The following ANKFY1 variants were observed in gnomAD, a reference collection of about 807,000 sequenced individuals.
ANKFY1 encodes the protein ankyrin repeat and FYVE domain containing 1.
Under a neutral mutation model 128.3 loss-of-function variants are expected in ANKFY1, and 47 were observed. The ratio of observed to expected loss-of-function variants is 0.37; its 90% CI spans 0.29 to 0.47. The LOEUF is 0.47. Among genes scored for constraint, ANKFY1 ranks in the 20% least tolerant of loss-of-function variants. The probability of loss-of-function intolerance (pLI) is 1.00; values close to 1 mark genes in which losing one functional copy is unlikely to be tolerated. For synonymous variants in ANKFY1, 553 were observed against 601.6 expected (o/e 0.92, Z 1.18); for missense variants, 1,222 against 1,510.6 (o/e 0.81, Z 3.17).
chr17:4,177,228 G>C lies in ANKFY1; in HGVS notation c.2673C>G (p.Ile891Met), dbSNP rs1230647347. The C allele has an allele frequency of 6.8e-6, 11 of 1,607,892 alleles. No individual in the cohort carries two copies. In the South Asian group the frequency reaches 1.2e-4, roughly 18 times the overall value. Reference protein sequence around the residue: ...NSDIESVLFLISVHANVNSRV... With the variant: ...NSDIESVLFLMSVHANVNSRV... ...TTGAATTCACATTAGCGTGGACACT[G>C]ATCAGGAACAGCACACTTTCAATAT... The change falls in exon 19 of 25, where the codon ATC (isoleucine) becomes ATG (methionine). Residue 891 changes from isoleucine to methionine, a missense_variant. Coordinates refer to ENST00000341657, the MANE Select transcript of ANKFY1 (RefSeq NM_001330063.2).
chr17:4,187,357 C>T (rs2059630774), intron 11 of ANKFY1: 1 of 398,370 alleles, frequency 2.5e-6, no homozygotes. Context: ...CAAGATGACT[C>T]CCACTTGGCT....
intron 2 of ANKFY1, among the ~76,000 whole-genome samples, chr17:4,238,064 C>T (rs1399281956): frequency 6.7e-6 from 1 of 149,716 alleles, no homozygotes; most frequent in Non-Finnish European, 1.5e-5. Context: ...CAGTGGCACA[C>T]ACCTGTAATC....
chr17:4,218,268 T>C (rs2143026397), intron 3 of ANKFY1, among the ~76,000 whole-genome samples: 1 of 152,252 alleles, frequency 6.6e-6, no homozygotes, highest in Non-Finnish European at 1.5e-5. Context: ...ACTAAGATGC[T>C]CAGCACAATA....
rs1231213623 is a variant in ANKFY1, at chr17:4,178,230, C to T, written c.2598+627G>A. On this transcript the variant is annotated intron_variant, in intron 18 of 24. Coordinates refer to ENST00000341657, the MANE Select transcript of ANKFY1 (RefSeq NM_001330063.2). This position sits in a 1 kb window ranked among gnomAD's most constrained non-coding sequence, Gnocchi z 4.1. ...CCACCCATGCGAGGATCTCACTTCA[C>T]GCGGGTCCCAAGTTCCATCTCACCT... 6.5e-6 allele frequency: 1 copy of T among 154,472 alleles called. No homozygotes were observed. The highest frequency in any genetic ancestry group is 1.4e-5 in the Non-Finnish European group (1 of 69,448). The allele number at this position is 154,472 out of a possible 1,614,324, so 9.6% of individuals were successfully genotyped here. A position where few individuals can be genotyped will look rare whatever the true frequency, so the allele number is the denominator to read the frequency against.
chr17:4,260,826 G>C (rs1226871221), intron 1 of ANKFY1, among the ~76,000 whole-genome samples: 1 of 152,026 alleles, frequency 6.6e-6, no homozygotes, highest in Non-Finnish European at 1.5e-5. Context: ...AGTCTCTCAC[G>C]ATCCTATTTA....
chr17:4,233,330 T>A (rs1291301952), intron 3 of ANKFY1, among the ~76,000 whole-genome samples: 1 of 151,714 alleles, frequency 6.6e-6, no homozygotes, highest in Non-Finnish European at 1.5e-5. Context: ...CTGTTATATA[T>A]GAGGTCAAAG....
At chr17:4,234,301 T>C (rs1466178905) in intron 3 of ANKFY1, among the ~76,000 whole-genome samples, 1 of 152,180 alleles carries the variant, frequency 6.6e-6, no homozygotes, top group Non-Finnish European at 1.5e-5. Flanking sequence ...TGAATATTAA[T>C]ACTAGAATTA....
chr17:4,262,750 A>G (rs1344170068), intron 1 of ANKFY1, among the ~76,000 whole-genome samples: 1 of 151,682 alleles, frequency 6.6e-6, no homozygotes, highest in African/African-American at 2.4e-5. Context: ...CTATCTCAAA[A>G]CACACACACA....
Position 4,169,066 on chromosome 17 carries a change from C to G in ANKFY1, c.3377+132G>C, listed in dbSNP as rs2059266212. The G allele has an allele frequency of 7.9e-6, 6 of 762,758 alleles. No individual in the cohort carries two copies. In the South Asian group the frequency reaches 1.0e-4, roughly 13 times the overall value. The allele number at this position is 762,758 out of a possible 1,614,324, so 47.2% of individuals were successfully genotyped here. On this transcript the variant is annotated intron_variant, in intron 24 of 24. Transcript: ENST00000341657. The surrounding 1 kb of genome is among the most constrained non-coding windows in gnomAD (Gnocchi z 5.0). Reference sequence around the variant, plus strand: ...GATCCTTGGGTGTGCTCATCTCATCCCTCCATTTGGTCAAGGTTTGCCCAT... The same window carrying G: ...GATCCTTGGGTGTGCTCATCTCATCGCTCCATTTGGTCAAGGTTTGCCCAT...
intron 3 of ANKFY1, among the ~76,000 whole-genome samples, chr17:4,232,760 G>A (rs959469515): frequency 5.9e-5 from 9 of 152,136 alleles, no homozygotes; most frequent in African/African-American, 1.9e-4. Flanking sequence ...AGCTCTAAAC[G>A]TTTGGATGTA....
chr17:4,244,460 C>T (rs1967425414), intron 1 of ANKFY1, among the ~76,000 whole-genome samples: 1 of 152,076 alleles, frequency 6.6e-6, no homozygotes, highest in Non-Finnish European at 1.5e-5. Flanking sequence ...GTTTATGCAA[C>T]CATGCAAACT....
At chr17:4,246,900 C>G (rs780872499) in intron 1 of ANKFY1, among the ~76,000 whole-genome samples, 5 of 152,018 alleles carry the variant, frequency 3.3e-5, no homozygotes, top group Non-Finnish European at 7.4e-5. Flanking sequence ...TCTCTAAAGC[C>G]CATGAGTTTG....
chr17:4,212,357 A>T (rs1168258906), intron 4 of ANKFY1, among the ~76,000 whole-genome samples: 1 of 152,206 alleles, frequency 6.6e-6, no homozygotes, highest in Non-Finnish European at 1.5e-5. Context: ...GGGCCAAATT[A>T]CTTGAGCTCT....
intron 5 of ANKFY1, among the ~76,000 whole-genome samples, chr17:4,208,304 G>T (rs1278781049): frequency 6.6e-6 from 1 of 152,180 alleles, no homozygotes; most frequent in Non-Finnish European, 1.5e-5. Context: ...ACTTGCTCAA[G>T]TTCAGACAGT....
chr17:4,181,512 C>T lies in ANKFY1; in HGVS notation c.2122-140G>A. 1 of 651,930 alleles carries T rather than the reference C, an allele frequency of 1.5e-6. No individual in the cohort carries two copies. Among genetic ancestry groups the T allele is most frequent in the Admixed American group, 2.6e-5 (1 of 38,702 alleles). 40.4% of individuals were successfully genotyped at this position (651,930 alleles called of 1,614,324 possible). On this transcript the variant is annotated intron_variant, in intron 15 of 24. Coordinates refer to ENST00000341657, the MANE Select transcript of ANKFY1 (RefSeq NM_001330063.2). This position sits in a 1 kb window ranked among gnomAD's most constrained non-coding sequence, Gnocchi z 4.9. ...ATAATAAATTGATAATTACTTTAAT[C>T]TGTATCACTCATTATTTTACAAACA...
intron 1 of ANKFY1, among the ~76,000 whole-genome samples, chr17:4,247,899 T>G (rs936319573): frequency 1.8e-4 from 28 of 152,226 alleles, no homozygotes; most frequent in Non-Finnish European, 7.3e-5. Flanking sequence ...CAACCTGCTC[T>G]GCAGTAGGTG....
intron 7 of ANKFY1, 33 bp downstream of exon 7, chr17:4,206,288 T>G: frequency 6.3e-7 from 1 of 1,591,330 alleles, no homozygotes; most frequent in Non-Finnish European, 8.6e-7. Flanking sequence ...AAAATAAAAT[T>G]GCCTGCAGGG....
chr17:4,259,374 G>A (rs749574650), intron 1 of ANKFY1, among the ~76,000 whole-genome samples: 4 of 152,110 alleles, frequency 2.6e-5, no homozygotes, highest in Non-Finnish European at 4.4e-5. Flanking sequence ...TCCACCTTCC[G>A]GGTTCAAGTG....
intron 3 of ANKFY1, among the ~76,000 whole-genome samples, chr17:4,233,089 A>C (rs986855447): frequency 6.6e-6 from 1 of 152,108 alleles, no homozygotes; most frequent in Non-Finnish European, 1.5e-5. Flanking sequence ...CGTCACTGGC[A>C]AATGTACAAG....
Sources: gnomAD v4.1 joint callset for allele counts (sites outside exome capture counted in the v4.1 genomes callset) on GRCh38, gnomAD v4.1.1 for gene constraint, Gnocchi (gnomAD v3.1) non-coding constraint, MANE v1.5 for transcripts, NCBI Gene and HGNC (gene_info 2026-07-23, HGNC 2026-07-21) for gene names.